FKBP15: variants seen among roughly 807,000 people sequenced by gnomAD.
FKBP15 encodes the protein FK506-binding protein 15.
A neutral mutation model predicts 158.1 loss-of-function variants in FKBP15; 106 were observed. The observed-to-expected ratio is 0.67, with a 90% CI of 0.57 to 0.79. The LOEUF is 0.79. Ranked by LOEUF, FKBP15 falls within the 30% of genes least tolerant of loss-of-function variation. FKBP15 has a pLI of 0.00. For synonymous variants in FKBP15, 547 were observed against 548.6 expected (o/e 1.00, Z 0.04); for missense variants, 1,287 against 1,479.1 (o/e 0.87, Z 2.13).
intron 25 of FKBP15, 24 bp from the exon 26 acceptor site, chr9:113,169,966 TG>T: frequency 6.6e-7 from 1 of 1,516,468 alleles, no homozygotes; most frequent in East Asian, 2.5e-5. Flanking sequence ...AAGGAAGAGA[TG>T]GTCACTGAAA....
chr9:113,186,167 T>G (rs1339628449), intron 15 of FKBP15, 82 bp downstream of exon 15: 2 of 899,340 alleles, frequency 2.2e-6, no homozygotes, highest in African/African-American at 3.3e-5. Flanking sequence ...AGAGAGCTGT[T>G]GGTGTGAAAA....
At chr9:113,188,284 A>T in intron 13 of FKBP15, 105 bp downstream of exon 13, 1 of 844,260 alleles carries the variant, frequency 1.2e-6, no homozygotes, top group Non-Finnish European at 1.9e-6. Flanking sequence ...TTTACACTTT[A>T]GTCCTCAGTA....
chr9:113,219,852 T>C (rs77168625), intron 1 of FKBP15, among the ~76,000 whole-genome samples: 9,015 of 152,236 alleles, frequency 0.059, 314 homozygotes, highest in African/African-American at 0.081. Flanking sequence ...ACAGCTTAAC[T>C]GTAAAATAAC....
chr9:113,168,047 T>A (rs1170837675), intron 27 of FKBP15, among the ~76,000 whole-genome samples: 1 of 152,164 alleles, frequency 6.6e-6, no homozygotes, highest in East Asian at 1.9e-4. Flanking sequence ...GGGTAAATCA[T>A]CATTTTGAGC....
intron 4 of FKBP15, among the ~76,000 whole-genome samples, chr9:113,203,683 A>T (rs1330422114): frequency 1.3e-5 from 2 of 152,162 alleles, no homozygotes; most frequent in Non-Finnish European, 1.5e-5. Flanking sequence ...GCACGCCACC[A>T]CACCCTACTA....
intron 2 of FKBP15, among the ~76,000 whole-genome samples, chr9:113,211,107 G>A (rs1415074292): frequency 6.6e-6 from 1 of 152,086 alleles, no homozygotes. Context: ...TCACACATAC[G>A]TATATTCTAT....
At position 113,203,975 on chromosome 9, in the gene FKBP15, T is replaced by G. The variant is rs371806075; in HGVS notation, c.325-940A>C. On this transcript the variant is annotated intron_variant, in intron 4 of 27. Transcript: ENST00000238256. ...TCTTTTATTGTCATGTAGTATTCTA[T>G]TATGTGAATATACCATAAACTCTTC... 1.6e-3 allele frequency among the ~76,000 whole-genome samples: 237 copies of G among 152,368 alleles called. 3 individuals carry two copies. Among genetic ancestry groups the G allele is most frequent in the African/African-American group, 5.4e-3 (225 of 41,590 alleles).
At position 113,202,563 on chromosome 9, in the gene FKBP15, A is replaced by G. The variant is rs1830813538; in HGVS notation, c.466T>C (p.Ser156Pro). ...QRQNWSIMFE[S>P]EKAAVEFNKQ... ...TTGAACTCCACAGCAGCCTTTTCCG[A>G]CTCAAACATGATGGACCAGTTCTGT... The change falls in exon 6 of 28, where the codon TCG becomes CCG. Residue 156 changes from serine (S) to proline (P), a missense_variant. Ser to Pro is a moderately conservative substitution (Grantham distance 74, BLOSUM62 -1). Coordinates refer to ENST00000238256, the MANE Select transcript of FKBP15 (RefSeq NM_015258.2). The G allele has an allele frequency of 1.3e-6, 2 of 1,584,930 alleles. No individual in the cohort carries two copies. The highest frequency in any genetic ancestry group is 1.8e-5 in the Admixed American group (1 of 55,746).
chr9:113,180,832 T>C (rs979303997), intron 19 of FKBP15, among the ~76,000 whole-genome samples: 1 of 152,164 alleles, frequency 6.6e-6, no homozygotes, highest in Non-Finnish European at 1.5e-5. Flanking sequence ...TGTGGTACTA[T>C]TATATCACAG....
chr9:113,211,201 G>A (rs771183036), intron 2 of FKBP15, among the ~76,000 whole-genome samples: 12 of 152,196 alleles, frequency 7.9e-5, no homozygotes, highest in Admixed American at 6.5e-5. Flanking sequence ...ACAGAGTCTC[G>A]CTCTGTTGCC....
At chr9:113,191,636 T>A (rs1007539713) in intron 11 of FKBP15, among the ~76,000 whole-genome samples, 1 of 148,258 alleles carries the variant, frequency 6.7e-6, no homozygotes, top group Non-Finnish European at 1.5e-5. Context: ...CTGCATTATA[T>A]ATATATATAA....
chr9:113,202,551 C>T lies in FKBP15; in HGVS notation c.478G>A (p.Ala160Thr). 2 of 1,582,038 alleles carry T rather than the reference C, an allele frequency of 1.3e-6. No homozygotes were observed. Among genetic ancestry groups the T allele is most frequent in the East Asian group, 2.3e-5 (1 of 43,750 alleles). The change falls in exon 6 of 28, where the codon GCT (alanine) becomes ACT (threonine). Residue 160 changes from alanine (A) to threonine (T), a missense_variant. Ala to Thr is a moderately conservative substitution (Grantham distance 58). Coordinates refer to ENST00000238256, the MANE Select transcript of FKBP15 (RefSeq NM_015258.2). ...ATCACCTGCTTATTGAACTCCACAG[C>T]AGCCTTTTCCGACTCAAACATGATG... ...WSIMFESEKAAVEFNKQVCIA... is the reference protein window; with the variant it reads ...WSIMFESEKATVEFNKQVCIA...
chr9:113,171,744 C>CCTGGATTAA (rs1830214702), intron 23 of FKBP15, 38 bp from the exon 24 acceptor site: 1 of 1,457,220 alleles, frequency 6.9e-7, no homozygotes. Flanking sequence ...GCCTCAGGAA[C>CCTGGATTAA]CAGGTGAAGG....
At chr9:113,171,468 CAAGT>C in intron 24 of FKBP15, 109 bp downstream of exon 24, 1 of 1,315,992 alleles carries the variant, frequency 7.6e-7, no homozygotes, top group African/African-American at 1.5e-5. Context: ...AGTCATCAGA[CAAGT>C]AAAACATCAC....
At position 113,165,362 on chromosome 9, in the gene FKBP15, C is replaced by T. The variant is rs1830081881; in HGVS notation, c.*716G>A. 6.6e-6 allele frequency: 1 copy of T among 152,174 alleles called. No homozygotes were observed. The highest frequency in any genetic ancestry group is 1.5e-5 in the Non-Finnish European group (1 of 68,034). The allele number at this position is 152,174 out of a possible 1,614,324, so 9.4% of individuals were successfully genotyped here. A position where few individuals can be genotyped will look rare whatever the true frequency, so the allele number is the denominator to read the frequency against. ...CTACAGTGGTGACTTTCTTTGAAAG[C>T]CTAAAAGTTCCAGGGTTAGGTATCA... On this transcript the variant is annotated 3_prime_UTR_variant, in exon 28 of 28. Transcript: ENST00000238256.
chr9:113,162,962 C>T lies in FKBP15; in HGVS notation c.*3116G>A. On this transcript the variant is annotated 3_prime_UTR_variant, in exon 28 of 28. Transcript: ENST00000238256. Reference sequence around the variant, plus strand: ...CACTGAGGCTGGAGGGACATGGAGCCCCCTCTTCCAGACACTATACTTCCA... The same window carrying T: ...CACTGAGGCTGGAGGGACATGGAGCTCCCTCTTCCAGACACTATACTTCCA... The T allele has an allele frequency of 1.3e-6, 2 of 1,516,130 alleles. No homozygotes were observed. The highest frequency in any genetic ancestry group is 1.8e-6 in the Non-Finnish European group (2 of 1,124,956). The allele number at this position is 1,516,130 out of a possible 1,614,324, so 93.9% of individuals were successfully genotyped here.
chr9:113,221,260 G>T lies in FKBP15; in HGVS notation c.-17C>A. The T allele has an allele frequency of 1.3e-6, 2 of 1,597,880 alleles. No homozygotes were observed. Among genetic ancestry groups the T allele is most frequent in the Non-Finnish European group, 1.7e-6 (2 of 1,172,578 alleles). On this transcript the variant is annotated 5_prime_UTR_variant, in exon 1 of 28. Transcript: ENST00000238256. Reference sequence around the variant, plus strand: ...ACCGAACATTGCGTTGGCTTTCACCGGGTTGCGGGGAGGAAGCTGGGTATT... The same window carrying T: ...ACCGAACATTGCGTTGGCTTTCACCTGGTTGCGGGGAGGAAGCTGGGTATT...
In FKBP15 at chr9:113,193,578, T is replaced by C. The variant is rs759053120; in HGVS notation, c.1008-29A>G. ...AAAGCAAATAGACCATATTCCAAGA[T>C]TGAAAACAAAATCCAGAATCACAAG... On this transcript the variant is annotated intron_variant, in intron 10 of 27. Transcript: ENST00000238256. 7.0e-6 allele frequency: 11 copies of C among 1,572,376 alleles called. No individual in the cohort carries two copies. The highest frequency in any genetic ancestry group is 3.3e-4 in the Middle Eastern group (2 of 6,026).
chr9:113,198,981 A>G lies in FKBP15; in HGVS notation c.649-58T>C. 8.4e-7 allele frequency: 1 copy of G among 1,185,310 alleles called. No homozygotes were observed. 73.4% of individuals were successfully genotyped at this position (1,185,310 alleles called of 1,614,324 possible). ...AATTTCAAAAATAATAATAACCATTATGATATTCAACTAACTACATACCAG... is the reference window on the plus strand; with the variant it reads ...AATTTCAAAAATAATAATAACCATTGTGATATTCAACTAACTACATACCAG... On this transcript the variant is annotated intron_variant, in intron 7 of 27. Transcript: ENST00000238256. The surrounding 1 kb of genome is among the most constrained non-coding windows in gnomAD (Gnocchi z 5.2).
Sources: allele counts gnomAD v4.1 joint callset (sites outside exome capture counted in the v4.1 genomes callset), GRCh38; gene constraint gnomAD v4.1.1; non-coding constraint Gnocchi (gnomAD v3.1); transcripts MANE v1.5; gene names NCBI Gene and HGNC (gene_info 2026-07-23, HGNC 2026-07-21).